SRP54: variants seen among roughly 807,000 people sequenced by gnomAD.
SRP54 encodes the protein signal recognition particle 54.
SRP54 carries 10 observed loss-of-function variants against 64.8 expected under a neutral mutation model. The ratio of observed to expected loss-of-function variants is 0.15; its 90% CI spans 0.10 to 0.26. The LOEUF (loss-of-function observed/expected upper bound fraction) is 0.26. SRP54 is among the 10% of genes least tolerant of loss of function. The probability of loss-of-function intolerance (pLI) is 1.00; values close to 1 mark genes in which losing one functional copy is unlikely to be tolerated. For synonymous variants in SRP54, 193 were observed against 185.6 expected, an observed-to-expected ratio of 1.04 and a Z score of -0.32; for missense variants, 325 against 613.7, an observed-to-expected ratio of 0.53 and a Z score of 4.97.
intron 1 of SRP54, among the ~76,000 whole-genome samples, chr14:34,988,597 C>CATATATATATATAAA (rs1555352781): frequency 3.9e-5 from 3 of 77,920 alleles, no homozygotes; most frequent in African/African-American, 3.9e-5. Flanking sequence ...ATATATATAA[C>CATATATATATATAAA]ATATATATAT....
At chr14:34,991,539 T>C (rs2043979891) in intron 1 of SRP54, among the ~76,000 whole-genome samples, 1 of 151,460 alleles carries the variant, frequency 6.6e-6, no homozygotes, top group East Asian at 1.9e-4. Flanking sequence ...GGTTGCAGTT[T>C]TAAATAAGTG....
intron 1 of SRP54, among the ~76,000 whole-genome samples, 189 bp from the exon 2 acceptor site, chr14:34,996,488 A>G (rs184420267): frequency 3.3e-5 from 5 of 152,346 alleles, no homozygotes; most frequent in African/African-American, 1.2e-4. Flanking sequence ...GTATTCAAAT[A>G]TAAGGCATCA....
chr14:35,024,969 G>A (rs2044597842), intron 14 of SRP54, among the ~76,000 whole-genome samples: 1 of 152,104 alleles, frequency 6.6e-6, no homozygotes, highest in Non-Finnish European at 1.5e-5. Flanking sequence ...AACCTCAAGT[G>A]ATTCGCCCGC....
chr14:35,016,852 T>C (rs1159584218), intron 11 of SRP54, among the ~76,000 whole-genome samples: 3 of 143,510 alleles, frequency 2.1e-5, no homozygotes, highest in African/African-American at 5.0e-5. Context: ...TTTCTTTTTT[T>C]TTTTTTTTCT....
chr14:35,013,644 G>T (rs1446734783), intron 9 of SRP54, 150 bp downstream of exon 9: 10 of 1,138,838 alleles, frequency 8.8e-6, no homozygotes, highest in African/African-American at 1.6e-5. Context: ...CAATTTTGGA[G>T]CCTGTCTGAT....
chr14:34,994,250 C>T (rs1299338810), intron 1 of SRP54, among the ~76,000 whole-genome samples: 1 of 152,038 alleles, frequency 6.6e-6, no homozygotes, highest in Non-Finnish European at 1.5e-5. Flanking sequence ...CCACCCACCT[C>T]GGCCTCCCAA....
At chr14:35,025,078 A>G (rs745575892) in intron 14 of SRP54, among the ~76,000 whole-genome samples, 9 of 152,106 alleles carry the variant, frequency 5.9e-5, no homozygotes, top group Non-Finnish European at 1.0e-4. Context: ...TTTAATCTCA[A>G]TTGAATTTAT....
At chr14:35,001,737 C>G (rs1455197885) in intron 4 of SRP54, among the ~76,000 whole-genome samples, 1 of 151,950 alleles carries the variant, frequency 6.6e-6, no homozygotes, top group Non-Finnish European at 1.5e-5. Flanking sequence ...CAATTCTTGC[C>G]TAGATTATGA....
At chr14:34,990,527 C>G (rs1021762813) in intron 1 of SRP54, among the ~76,000 whole-genome samples, 2 of 152,172 alleles carry the variant, frequency 1.3e-5, no homozygotes, top group Non-Finnish European at 2.9e-5. Context: ...GTGTGGTAAT[C>G]TCTTACCTTT....
At chr14:35,028,280 TCAAAA>T in intron 15 of SRP54, 97 bp downstream of exon 15, 1 of 722,878 alleles carries the variant, frequency 1.4e-6, no homozygotes, top group South Asian at 2.3e-5. Context: ...GAAAATATGT[TCAAAA>T]GGTGTGTGAT....
At chr14:35,016,845 CT>C (rs869140791) in intron 11 of SRP54, among the ~76,000 whole-genome samples, 2 of 67,758 alleles carry the variant, frequency 3.0e-5, no homozygotes, top group African/African-American at 9.3e-5. Flanking sequence ...TTTTTCTTTT[CT>C]TTTTTTTTTT....
Position 35,012,172 on chromosome 14 carries a change from C to T in SRP54, c.636+513C>T, listed in dbSNP as rs538849552. ...CAGAGGTTGCAGTGAGCCAAGATCA[C>T]GCCATTGCACTCCAGCCTGGGCAAC... is the stretch of plus-strand genomic sequence containing the variant. On this transcript the variant is annotated intron_variant, in intron 8 of 15. Transcript: ENST00000216774. 5.2e-3 allele frequency among the ~76,000 whole-genome samples: 752 copies of T among 145,538 alleles called. 1 individual carries two copies. Among genetic ancestry groups the T allele is most frequent in the African/African-American group, 0.012 (485 of 39,334 alleles).
At chr14:34,987,298 C>A (rs1176800916) in intron 1 of SRP54, among the ~76,000 whole-genome samples, 11 of 118,672 alleles carry the variant, frequency 9.3e-5, no homozygotes, top group African/African-American at 2.9e-4. Flanking sequence ...CACACACACA[C>A]ACACATAATT....
intron 13 of SRP54, among the ~76,000 whole-genome samples, chr14:35,021,547 C>T (rs939148966): frequency 5.9e-5 from 9 of 151,910 alleles, no homozygotes; most frequent in Non-Finnish European, 8.8e-5. Flanking sequence ...GTGGGAGAAT[C>T]GCTTGAACCC....
At chr14:35,016,789 T>C (rs1168016178) in intron 11 of SRP54, among the ~76,000 whole-genome samples, 2 of 152,190 alleles carry the variant, frequency 1.3e-5, no homozygotes, top group Non-Finnish European at 2.9e-5. Context: ...TCAGCAACTA[T>C]TGAATGAATG....
At chr14:35,012,297 T>G (rs1420272515) in intron 8 of SRP54, among the ~76,000 whole-genome samples, 2 of 152,130 alleles carry the variant, frequency 1.3e-5, no homozygotes, top group African/African-American at 2.4e-5. Context: ...TTGGAAATAC[T>G]TAGATTTTTA....
intron 1 of SRP54, among the ~76,000 whole-genome samples, chr14:34,986,015 C>T (rs1404835567): frequency 6.6e-6 from 1 of 151,826 alleles, no homozygotes. Flanking sequence ...TTTTAATTTT[C>T]TTCTTGGTAG....
At position 35,011,699 on chromosome 14, in the gene SRP54, G is replaced by A. The variant is rs555932813; in HGVS notation, c.636+40G>A. ...ATGTAACACTATTATTAGGACTTTG[G>A]TTAATTTAATTATAAAACCAGGTTG... On this transcript the variant is annotated intron_variant, in intron 8 of 15. Coordinates refer to ENST00000216774, the MANE Select transcript of SRP54 (RefSeq NM_003136.4). The A allele has an allele frequency of 3.0e-4, 420 of 1,423,354 alleles. 2 individuals carry two copies. In the South Asian group the frequency reaches 6.7e-3, roughly 23 times the overall value. The allele number at this position is 1,423,354 out of a possible 1,614,324, so 88.2% of individuals were successfully genotyped here. A position where few individuals can be genotyped will look rare whatever the true frequency, so the allele number is the denominator to read the frequency against.
chr14:35,012,284 C>CAGTT (rs992211814), intron 8 of SRP54, among the ~76,000 whole-genome samples: 8 of 149,874 alleles, frequency 5.3e-5, no homozygotes, highest in Admixed American at 5.3e-4. Context: ...TTTAAAAATT[C>CAGTT]AGTTGGAAAT....
Sources: gnomAD v4.1 joint callset for allele counts (sites outside exome capture counted in the v4.1 genomes callset) on GRCh38, gnomAD v4.1.1 for gene constraint, MANE v1.5 for transcripts, NCBI Gene and HGNC (gene_info 2026-07-23, HGNC 2026-07-21) for gene names.